Variants in CTPS2 observed in about 807,000 individuals in gnomAD.
CTPS2 encodes the protein CTP synthase II.
In CTPS2, 19 loss-of-function variants were observed where a neutral mutation model predicts 46.8. That is an observed-to-expected ratio of 0.41 (90% CI 0.28 to 0.60). The LOEUF (loss-of-function observed/expected upper bound fraction) is 0.60, where lower values mean the gene tolerates loss of function less well. Among genes scored for constraint, CTPS2 ranks in the 20% least tolerant of loss-of-function variants. The pLI is 0.35. For synonymous variants in CTPS2, 151 were observed against 165.2 expected, an observed-to-expected ratio of 0.91 and a Z score of 0.66; for missense variants, 286 against 447.6, an observed-to-expected ratio of 0.64 and a Z score of 3.26.
intron 8 of CTPS2, among the ~76,000 whole-genome samples, chrX:16,683,853 T>C (rs757457714): frequency 3.6e-5 from 4 of 112,184 alleles, no homozygotes; most frequent in Non-Finnish European, 7.5e-5. Flanking sequence ...ATTCAAAGTG[T>C]CTACATTTAA....
intron 14 of CTPS2, among the ~76,000 whole-genome samples, chrX:16,635,584 G>A (rs1309726609): frequency 8.9e-6 from 1 of 111,826 alleles, no homozygotes; most frequent in Non-Finnish European, 1.9e-5. Flanking sequence ...TGAGGCAGGA[G>A]AATCACTTGA....
chrX:16,661,496 T>TA (rs1353849050), intron 13 of CTPS2, among the ~76,000 whole-genome samples: 1 of 111,899 alleles, frequency 8.9e-6, no homozygotes, highest in Non-Finnish European at 1.9e-5. Flanking sequence ...TGAAAAATAA[T>TA]ACAGATGAGG....
At chrX:16,667,798 G>T in intron 11 of CTPS2, 74 bp from the exon 12 acceptor site, 2 of 958,184 alleles carry the variant, frequency 2.1e-6, no homozygotes, top group Non-Finnish European at 3.0e-6. Context: ...TCATTTGTTG[G>T]CTGCCTGTCT....
At chrX:16,592,419 C>T (rs1037782082) in intron 17 of CTPS2, among the ~76,000 whole-genome samples, 2 of 112,023 alleles carry the variant, frequency 1.8e-5, no homozygotes, top group African/African-American at 6.5e-5. Context: ...ATTACATTAG[C>T]GAAATGCTGT....
intron 9 of CTPS2, 34 bp downstream of exon 9, chrX:16,683,060 A>G (rs1457442281): frequency 8.3e-7 from 1 of 1,206,588 alleles, no homozygotes; most frequent in Non-Finnish European, 1.1e-6. Flanking sequence ...GGCATGAATT[A>G]CTGAGATAGC....
intron 8 of CTPS2, among the ~76,000 whole-genome samples, chrX:16,686,916 AT>A (rs1410289254): frequency 2.7e-5 from 3 of 110,230 alleles, no homozygotes; most frequent in Non-Finnish European, 5.7e-5. Flanking sequence ...AAAAAAAAAA[AT>A]AAATAAGGAA....
chrX:16,639,777 A>AAAAAGAAAGAAAGAAAGAAAG (rs781289686), intron 13 of CTPS2, among the ~76,000 whole-genome samples: 43 of 72,675 alleles, frequency 5.9e-4, no homozygotes, highest in Non-Finnish European at 7.5e-4. Flanking sequence ...AAAGGAAAAG[A>AAAAAGAAAGAAAGAAAGAAAG]AAAGAAAGAA....
intron 13 of CTPS2, among the ~76,000 whole-genome samples, chrX:16,654,150 T>A (rs1032064400): frequency 8.9e-6 from 1 of 112,599 alleles, no homozygotes; most frequent in Non-Finnish European, 1.9e-5. Flanking sequence ...AGAAAACAAC[T>A]GTATTAAAAT....
chrX:16,622,004 C>T (rs927119162), intron 14 of CTPS2, among the ~76,000 whole-genome samples: 2 of 110,994 alleles, frequency 1.8e-5, no homozygotes, highest in Non-Finnish European at 3.8e-5. Context: ...TGCGAACATA[C>T]CACTGGCAGG....
At chrX:16,658,480 T>C (rs896290560) in intron 13 of CTPS2, among the ~76,000 whole-genome samples, 2 of 112,358 alleles carry the variant, frequency 1.8e-5, no homozygotes, top group Non-Finnish European at 3.8e-5. Context: ...TTGTTGTCAT[T>C]TCTAATTCTT....
chrX:16,682,091 G>A (rs944539336), intron 9 of CTPS2, among the ~76,000 whole-genome samples: 4 of 111,947 alleles, frequency 3.6e-5, no homozygotes, highest in Middle Eastern at 4.2e-3. Context: ...TTTCCTGTTA[G>A]GCAATTACGA....
rs1180749394 is a variant in CTPS2, at chrX:16,678,251, C to A, written c.1094+111G>T. On this transcript the variant is annotated intron_variant, in intron 10 of 18. Coordinates refer to ENST00000359276, the MANE Select transcript of CTPS2 (RefSeq NM_175859.3). ...ATCACCTGCAAAGACCACAAGTACT[C>A]CAAACTACCTTTCAAAATGCATGAA... 13 of 555,290 alleles carry A rather than the reference C, an allele frequency of 2.3e-5. No homozygotes were observed. The Admixed American group carries it at 3.5e-4, about 15-fold the overall frequency. 45.8% of individuals were successfully genotyped at this position (555,290 alleles called of 1,213,427 possible).
chrX:16,683,041 T>C (rs1922870020), intron 9 of CTPS2, 53 bp downstream of exon 9: 10 of 1,193,783 alleles, frequency 8.4e-6, no homozygotes, highest in African/African-American at 1.7e-5. Context: ...CTCTGGAACA[T>C]GTGCTATTGG....
chrX:16,668,762 AAGG>A (rs1921440474), intron 11 of CTPS2, among the ~76,000 whole-genome samples: 1 of 75,892 alleles, frequency 1.3e-5, no homozygotes, highest in East Asian at 4.5e-4. Context: ...AGAAGGAAGG[AAGG>A]AAGGAAAGGA....
At chrX:16,695,653 G>A (rs1265188807) in intron 4 of CTPS2, among the ~76,000 whole-genome samples, 1 of 109,956 alleles carries the variant, frequency 9.1e-6, no homozygotes, top group Non-Finnish European at 1.9e-5. Context: ...CTGGGTGCAC[G>A]CCATTCTCCT....
At position 16,683,172 on chromosome X, in the gene CTPS2, C is replaced by CAG; in HGVS notation, c.926_927insCT (p.Lys309AsnfsTer25). The CAG allele has an allele frequency of 8.3e-7, 1 of 1,210,250 alleles. No homozygotes were observed. ...ACACAGAGGCGTAGCAGTCTCTGAG[C>CAG]TTGGTGTATTTGCCAACCAGGGCTA... On this transcript the variant is annotated frameshift_variant, in exon 9 of 19. Transcript: ENST00000359276. LOFTEE classifies it high-confidence loss of function.
chrX:16,668,752 AGAAG>A lies in CTPS2; in HGVS notation c.1190-1032_1190-1029del, dbSNP rs1181255742. ...AAGGGAGAAAGAGAGAAAGAAAGAA[AGAAG>A]GAAGGAAGGAAGGAAAGGAAGGAAG... On this transcript the variant is annotated intron_variant, in intron 11 of 18. Coordinates refer to ENST00000359276, the MANE Select transcript of CTPS2 (RefSeq NM_175859.3). Among the ~76,000 whole-genome samples the A allele has an allele frequency of 4.4e-4, 37 of 84,907 alleles. No individual in the cohort carries two copies. In the South Asian group the frequency reaches 7.5e-3, roughly 17 times the overall value. 73.7% of individuals were successfully genotyped at this position (84,907 alleles called of 115,157 possible). A position where few individuals can be genotyped will look rare whatever the true frequency, so the allele number is the denominator to read the frequency against.
Position 16,693,221 on chromosome X carries a change from T to C in CTPS2, c.559A>G (p.Ser187Gly), listed in dbSNP as rs1923843147. 2.5e-6 allele frequency: 3 copies of C among 1,206,986 alleles called. No homozygotes were observed. In the East Asian group the frequency reaches 8.9e-5, roughly 36 times the overall value. The change falls in exon 6 of 19, where the codon AGT becomes GGT. Residue 187 changes from serine to glycine, a missense_variant. Transcript: ENST00000359276. Reference sequence around the variant, plus strand: ...TTGGTTTTTTGTTCTCCGGTAGCACTGAGCTGAAAAAAAATGGGGTCCCGT... The same window carrying C: ...TTGGTTTTTTGTTCTCCGGTAGCACCGAGCTGAAAAAAAATGGGGTCCCGT... Reference protein sequence around the residue: ...NIHVSLVPQLSATGEQKTKPT... With the variant: ...NIHVSLVPQLGATGEQKTKPT...
rs60451307 is a variant in CTPS2, at chrX:16,645,150, C to CTT, written c.1297-5909_1297-5908dup. Among the ~76,000 whole-genome samples, 24 of 97,899 alleles carry CTT rather than the reference C, an allele frequency of 2.5e-4. 1 individual carries two copies. The highest frequency in any genetic ancestry group is 6.3e-4 in the African/African-American group (17 of 26,948). The allele number at this position is 97,899 out of a possible 115,157, so 85.0% of individuals were successfully genotyped here. On this transcript the variant is annotated intron_variant, in intron 13 of 18. Coordinates refer to ENST00000359276, the MANE Select transcript of CTPS2 (RefSeq NM_175859.3). Reference sequence around the variant, plus strand: ...GGCGCCCGCCACCATGCCCGGCTAACTTTTTTTTTTTTTTTTGTATTTTTA... The same window carrying CTT: ...GGCGCCCGCCACCATGCCCGGCTAACTTTTTTTTTTTTTTTTTTGTATTTTTA...
Sources: allele counts gnomAD v4.1 joint callset (sites outside exome capture counted in the v4.1 genomes callset), GRCh38; gene constraint gnomAD v4.1.1; transcripts MANE v1.5; gene names NCBI Gene and HGNC (gene_info 2026-07-23, HGNC 2026-07-21).